SOX5: variants seen among roughly 807,000 people sequenced by gnomAD.
The protein encoded by SOX5 is SRY-box transcription factor 5, also known as transcription factor SOX-5.
Under a neutral mutation model 92.0 loss-of-function variants are expected in SOX5, and 9 were observed. The ratio of observed to expected loss-of-function variants is 0.10; its 90% confidence interval spans 0.06 to 0.17. The LOEUF is 0.17. SOX5 is among the 10% of genes least tolerant of loss of function. The probability of loss-of-function intolerance (pLI) is 1.00; values close to 1 mark genes in which losing one functional copy is unlikely to be tolerated. For synonymous variants in SOX5, 344 were observed against 336.3 expected (o/e 1.02, Z -0.25); for missense variants, 642 against 944.5 (o/e 0.68, Z 4.20).
At chr12:23,984,952 G>C (rs1365890303) in intron 4 of SOX5, among the ~76,000 whole-genome samples, 1 of 152,144 alleles carries the variant, frequency 6.6e-6, no homozygotes, top group African/African-American at 2.4e-5. Context: ...TGAAAAATCA[G>C]ACTTTGGCAA....
At chr12:23,634,809 T>G (rs978623243) in intron 8 of SOX5, among the ~76,000 whole-genome samples, 2 of 152,210 alleles carry the variant, frequency 1.3e-5, no homozygotes, top group Non-Finnish European at 1.5e-5. Flanking sequence ...AAAAGGTGAT[T>G]AATTAATATA....
In SOX5 at chr12:24,329,494, A is replaced by G. The variant is rs575707985; in HGVS notation, c.-174+39069T>C. Among the ~76,000 whole-genome samples the G allele has an allele frequency of 1.5e-3, 233 of 152,288 alleles. 1 individual carries two copies. The highest frequency in any genetic ancestry group is 1.3e-3 in the Non-Finnish European group (91 of 68,000). ...CCTCCCACCAGGTCTCTCCTTCAAC[A>G]TCTGGAGATTACAATTCAAGATGAG... On this transcript the variant is annotated intron_variant, in intron 2 of 4. Transcript: ENST00000446891.
In SOX5 at chr12:24,506,784, C is replaced by CTTTTTTTTTTTTTTTTTTTT. The variant is rs386375924; in HGVS notation, c.-251+55525_-251+55544dup. Among the ~76,000 whole-genome samples the CTTTTTTTTTTTTTTTTTTTT allele has an allele frequency of 4.6e-4, 38 of 81,770 alleles. 6 individuals are homozygous for CTTTTTTTTTTTTTTTTTTTT. Among genetic ancestry groups the CTTTTTTTTTTTTTTTTTTTT allele is most frequent in the Non-Finnish European group, 5.8e-4 (26 of 45,152 alleles). 53.6% of individuals were successfully genotyped at this position (81,770 alleles called of 152,430 possible). A position where few individuals can be genotyped will look rare whatever the true frequency, so the allele number is the denominator to read the frequency against. On this transcript the variant is annotated intron_variant, in intron 1 of 4. Coordinates refer to the SOX5 transcript ENST00000446891. ...CTGTATTTCATGGTATCCAAATGGT[C>CTTTTTTTTTTTTTTTTTTTT]TTTTTTTTTTTTTTTTTTTTTTGGA...
chr12:23,981,889 T>A (rs1028138575), intron 4 of SOX5, among the ~76,000 whole-genome samples: 2 of 152,184 alleles, frequency 1.3e-5, no homozygotes, highest in African/African-American at 4.8e-5. Context: ...TAACTAGAGT[T>A]CTTTACACAC....
At chr12:24,043,217 G>C (rs1487826366) in intron 4 of SOX5, among the ~76,000 whole-genome samples, 1 of 152,168 alleles carries the variant, frequency 6.6e-6, no homozygotes, top group Non-Finnish European at 1.5e-5. Context: ...TTAAGCAAAA[G>C]TCTCATTTTC....
intron 6 of SOX5, among the ~76,000 whole-genome samples, chr12:23,679,545 TA>T (rs1244522547): frequency 6.6e-6 from 1 of 152,144 alleles, no homozygotes; most frequent in Non-Finnish European, 1.5e-5. Flanking sequence ...AAAATGCTAA[TA>T]AAAATAATGT....
At chr12:24,029,795 G>GA (rs1411958813) in intron 4 of SOX5, among the ~76,000 whole-genome samples, 2 of 151,984 alleles carry the variant, frequency 1.3e-5, no homozygotes, top group South Asian at 2.1e-4. Flanking sequence ...ATACTAGTTT[G>GA]AAAATGAAAT....
intron 4 of SOX5, among the ~76,000 whole-genome samples, chr12:24,178,704 A>C (rs1565597807): frequency 6.6e-6 from 1 of 152,222 alleles, no homozygotes; most frequent in Non-Finnish European, 1.5e-5. Flanking sequence ...TTTTATAGAA[A>C]AGAAAGCTAA....
intron 8 of SOX5, among the ~76,000 whole-genome samples, chr12:23,623,616 T>C (rs1278811081): frequency 6.6e-6 from 1 of 152,058 alleles, no homozygotes; most frequent in African/African-American, 2.4e-5. Flanking sequence ...TATCTAGGAA[T>C]CAATTCTCAG....
chr12:23,970,841 A>ATATATATATATATATATATATAATT lies in SOX5; in HGVS notation c.-1-74818_-1-74817insAATTATATATATATATATATATATA. Among the ~76,000 whole-genome samples, 20 of 21,860 alleles carry ATATATATATATATATATATATAATT rather than the reference A, an allele frequency of 9.1e-4. 1 individual carries two copies. Among genetic ancestry groups the ATATATATATATATATATATATAATT allele is most frequent in the African/African-American group, 2.2e-3 (18 of 8,018 alleles). The allele number at this position is 21,860 out of a possible 152,430, so 14.3% of individuals were successfully genotyped here. On this transcript the variant is annotated intron_variant, in intron 4 of 4. Coordinates refer to the SOX5 transcript ENST00000446891. ...ACATGGGACTTTATATATATATATA[A>ATATATATATATATATATATATAATT]TTTTTTTTTTTTTTTAAGAAATGGG...
At chr12:24,288,916 A>G (rs1248776559) in intron 2 of SOX5, among the ~76,000 whole-genome samples, 1 of 92,576 alleles carries the variant, frequency 1.1e-5, no homozygotes, top group Non-Finnish European at 2.2e-5. Flanking sequence ...TCTTTGCCAC[A>G]GTTCATTCTC....
intron 1 of SOX5, among the ~76,000 whole-genome samples, chr12:24,425,793 T>C (rs1030960038): frequency 6.6e-6 from 1 of 152,164 alleles, no homozygotes; most frequent in Non-Finnish European, 1.5e-5. Context: ...AAACCTCTTC[T>C]TACAGAGAAA....
chr12:24,382,074 T>G (rs951023648), intron 1 of SOX5, among the ~76,000 whole-genome samples: 2 of 152,198 alleles, frequency 1.3e-5, no homozygotes, highest in African/African-American at 4.8e-5. Flanking sequence ...ACAAGTTCCT[T>G]GCCCTCACGC....
At chr12:23,592,701 A>G (rs1056941698) in intron 9 of SOX5, among the ~76,000 whole-genome samples, 8 of 152,204 alleles carry the variant, frequency 5.3e-5, no homozygotes, top group Non-Finnish European at 8.8e-5. Context: ...TTTAATATTG[A>G]TAAGCTGAAG....
chr12:24,509,817 A>G (rs1365654998), intron 1 of SOX5, among the ~76,000 whole-genome samples: 2 of 152,218 alleles, frequency 1.3e-5, no homozygotes, highest in Non-Finnish European at 2.9e-5. Context: ...TCGGTTGCTT[A>G]CTTTTGGTCT....
At position 23,540,625 on chromosome 12, in the gene SOX5, C is replaced by T. The variant is rs569934615; in HGVS notation, c.1771+2586G>A. Reference sequence around the variant, plus strand: ...TGCACATTTTACTCCAACTAAACTACTGTATATCTAATCAGAAAAAGATGT... The same window carrying T: ...TGCACATTTTACTCCAACTAAACTATTGTATATCTAATCAGAAAAAGATGT... On this transcript the variant is annotated intron_variant, in intron 13 of 14. Transcript: ENST00000451604. Among the ~76,000 whole-genome samples, 6 of 152,260 alleles carry T rather than the reference C, an allele frequency of 3.9e-5. No homozygotes were observed. In the South Asian group the frequency reaches 1.2e-3, roughly 32 times the overall value.
intron 4 of SOX5, among the ~76,000 whole-genome samples, chr12:24,134,535 G>GCA (rs1325695113): frequency 2.0e-5 from 3 of 151,762 alleles, no homozygotes; most frequent in Admixed American, 6.6e-5. Flanking sequence ...TATAACACAT[G>GCA]CACACACACA....
intron 3 of SOX5, among the ~76,000 whole-genome samples, chr12:24,233,273 TAATATG>T (rs1173040765): frequency 2.0e-4 from 31 of 152,136 alleles, no homozygotes. Context: ...ACCAATATAA[TAATATG>T]AATAACAATG....
chr12:23,745,699 G>GT (rs1293749154), intron 4 of SOX5, among the ~76,000 whole-genome samples: 1 of 152,086 alleles, frequency 6.6e-6, no homozygotes, highest in African/African-American at 2.4e-5. Context: ...CATGCATCTT[G>GT]TTTTTTGTGG....
Sources: gnomAD v4.1 joint callset for allele counts (sites outside exome capture counted in the v4.1 genomes callset) on GRCh38, gnomAD v4.1.1 for gene constraint, MANE v1.5 for transcripts, NCBI Gene and HGNC (gene_info 2026-07-23, HGNC 2026-07-21) for gene names.